EXOC6: variants seen among roughly 807,000 people sequenced by gnomAD.
EXOC6 encodes exocyst complex component 6.
Under a neutral mutation model 112.5 loss-of-function variants are expected in EXOC6, and 60 were observed. The observed-to-expected ratio is 0.53, with a 90% confidence interval of 0.43 to 0.66. EXOC6 has a LOEUF of 0.66. Among genes scored for constraint, EXOC6 ranks in the 30% least tolerant of loss-of-function variants. The pLI is 0.00. For synonymous variants in EXOC6, 295 were observed against 308.0 expected (o/e 0.96, Z 0.44); for missense variants, 855 against 957.1 (o/e 0.89, Z 1.41).
rs572149851 is a variant in EXOC6, at chr10:93,014,219, A to G, written c.2121A>G (p.Pro707=). 17 of 1,613,302 alleles carry G rather than the reference A, an allele frequency of 1.1e-5. No individual in the cohort carries two copies. The highest frequency in any genetic ancestry group is 4.0e-5 in the African/African-American group (3 of 74,880). Residue 707 remains proline, a synonymous_variant, in exon 20 of 22, where the codon CCA becomes CCG. Transcript: ENST00000260762. ...CELFASSEPV[P]GFQGDTLQLA... is the part of the protein sequence containing the mutation. The stretch of plus-strand genomic sequence containing the variant: ...TGTTTGCCAGCTCTGAGCCTGTGCC[A>G]GGATTCCAGGGGGATACCCTGCAGC...
intron 18 of EXOC6, among the ~76,000 whole-genome samples, chr10:92,995,627 T>C (rs906660641): frequency 6.6e-6 from 1 of 152,184 alleles, no homozygotes; most frequent in Non-Finnish European, 1.5e-5. Context: ...CTTTCTCTGC[T>C]TCCCCACTTC....
At chr10:92,990,604 G>A (rs990739026) in intron 18 of EXOC6, among the ~76,000 whole-genome samples, 1 of 152,314 alleles carries the variant, frequency 6.6e-6, no homozygotes, top group Non-Finnish European at 1.5e-5. Flanking sequence ...TAGGAAGGTT[G>A]AGACTGTTTT....
intron 5 of EXOC6, among the ~76,000 whole-genome samples, chr10:92,908,489 A>G (rs918347245): frequency 1.3e-5 from 2 of 152,184 alleles, no homozygotes; most frequent in Admixed American, 1.3e-4. Flanking sequence ...AAGATATGGA[A>G]TACTATGTAA....
intron 6 of EXOC6, among the ~76,000 whole-genome samples, chr10:92,913,748 CTG>C (rs761221791): frequency 3.3e-5 from 5 of 152,124 alleles, no homozygotes; most frequent in African/African-American, 7.2e-5. Context: ...CTTAACTAGA[CTG>C]TGAATTTTTT....
chr10:92,907,586 G>A (rs1379485881), intron 5 of EXOC6, among the ~76,000 whole-genome samples: 2 of 152,104 alleles, frequency 1.3e-5, no homozygotes, highest in African/African-American at 4.8e-5. Context: ...GCATCACTTA[G>A]GATTTCAAAT....
At chr10:92,986,444 C>G (rs1274686986) in intron 18 of EXOC6, among the ~76,000 whole-genome samples, 1 of 151,836 alleles carries the variant, frequency 6.6e-6, no homozygotes, top group Non-Finnish European at 1.5e-5. Flanking sequence ...TGTCCCACTG[C>G]CTACTAGGGT....
At chr10:93,039,536 G>T (rs1487169707) in intron 20 of EXOC6, among the ~76,000 whole-genome samples, 1 of 152,128 alleles carries the variant, frequency 6.6e-6, no homozygotes, top group East Asian at 1.9e-4. Context: ...CCAAATAGAG[G>T]CTTCTCTTCC....
At chr10:92,888,746 A>G (rs761160113) in intron 1 of EXOC6, among the ~76,000 whole-genome samples, 1 of 152,236 alleles carries the variant, frequency 6.6e-6, no homozygotes, top group Non-Finnish European at 1.5e-5. Context: ...CTTTCTCATA[A>G]TCATGACATA....
intron 14 of EXOC6, among the ~76,000 whole-genome samples, chr10:92,949,655 C>G (rs1402626608): frequency 6.7e-6 from 1 of 149,410 alleles, no homozygotes; most frequent in Non-Finnish European, 1.5e-5. Flanking sequence ...TGCAATGGTG[C>G]CATCTCGGCT....
intron 11 of EXOC6, 110 bp from the exon 12 acceptor site, chr10:92,935,704 C>T (rs1852301175): frequency 1.3e-6 from 1 of 799,594 alleles, no homozygotes; most frequent in Admixed American, 2.4e-5. Flanking sequence ...TATTATAAGT[C>T]TGGCAGATTA....
Position 92,948,376 on chromosome 10 carries a change from A to G in EXOC6, c.1413A>G (p.Glu471=). The G allele has an allele frequency of 1.3e-6, 2 of 1,552,310 alleles. No individual in the cohort carries two copies. The highest frequency in any genetic ancestry group is 1.8e-6 in the Non-Finnish European group (2 of 1,136,378). ...SKFPFQDPDL[E]KQSFPKKFPM... is the part of the protein sequence containing the mutation. ...TTCCCTTTCAAGATCCAGACCTTGA[A>G]AAGGTACAAGCTAGTTTTTAATTCA... The change falls in exon 14 of 22, where the codon GAA becomes GAG. Residue 471 remains glutamate, a synonymous_variant. Transcript: ENST00000260762.
intron 1 of EXOC6, among the ~76,000 whole-genome samples, chr10:92,873,863 C>A (rs911914605): frequency 6.6e-6 from 1 of 151,792 alleles, no homozygotes; most frequent in African/African-American, 2.4e-5. Context: ...CCAGCCTGGC[C>A]AACATGGTGA....
At chr10:93,035,074 A>T (rs1241298845) in intron 20 of EXOC6, among the ~76,000 whole-genome samples, 1 of 152,258 alleles carries the variant, frequency 6.6e-6, no homozygotes, top group Non-Finnish European at 1.5e-5. Context: ...ACTTCTGAAT[A>T]TAACAAGACC....
At chr10:92,875,730 T>C (rs543101725) in intron 1 of EXOC6, among the ~76,000 whole-genome samples, 1 of 152,302 alleles carries the variant, frequency 6.6e-6, no homozygotes, top group African/African-American at 2.4e-5. Context: ...TGAGTTTTTC[T>C]ATGTAAAGTG....
chr10:92,851,108 A>G (rs567363738), intron 1 of EXOC6, among the ~76,000 whole-genome samples: 1 of 152,336 alleles, frequency 6.6e-6, no homozygotes, highest in South Asian at 2.1e-4. Flanking sequence ...CAGCTAAAGA[A>G]ATAGTTAGAA....
At chr10:93,025,523 T>C (rs922485947) in intron 20 of EXOC6, among the ~76,000 whole-genome samples, 2 of 152,202 alleles carry the variant, frequency 1.3e-5, no homozygotes. Flanking sequence ...AGTGTACTAT[T>C]TTCTTCTTCC....
intron 20 of EXOC6, among the ~76,000 whole-genome samples, chr10:93,020,111 G>A (rs1185793457): frequency 1.3e-5 from 2 of 152,122 alleles, no homozygotes; most frequent in East Asian, 3.9e-4. Flanking sequence ...TAGTATACAT[G>A]TATTAGATTC....
upstream of EXOC6, among the ~76,000 whole-genome samples, chr10:92,843,664 T>C (rs2133596415): frequency 6.6e-6 from 1 of 150,896 alleles, no homozygotes; most frequent in East Asian, 2.0e-4. Flanking sequence ...CTGGCCAACA[T>C]GGTGAAACTC....
intron 18 of EXOC6, among the ~76,000 whole-genome samples, chr10:92,975,961 G>A (rs1209040136): frequency 2.2e-4 from 30 of 138,710 alleles, no homozygotes; most frequent in Middle Eastern, 3.7e-3. Context: ...CCGTCCGGTA[G>A]GTGAGGGGCG....
Sources: gnomAD v4.1 joint callset for allele counts (sites outside exome capture counted in the v4.1 genomes callset) on GRCh38, gnomAD v4.1.1 for gene constraint, MANE v1.5 for transcripts, NCBI Gene and HGNC (gene_info 2026-07-23, HGNC 2026-07-21) for gene names.